CRYBA4: variants seen among roughly 807,000 people sequenced by gnomAD.
The protein encoded by CRYBA4 is beta-crystallin A4.
In CRYBA4, 30 loss-of-function variants were observed where a neutral mutation model predicts 31.7. The observed-to-expected ratio is 0.95, with a 90% CI of 0.71 to 1.28. CRYBA4 has a LOEUF of 1.28. Among genes scored for constraint, CRYBA4 ranks in the 50% most tolerant of loss-of-function variants. The pLI is 0.00. For missense variants in CRYBA4, 225 were observed against 260.7 expected (o/e 0.86, Z 0.94); for synonymous variants, 102 against 102.3 (o/e 1.00, Z 0.02).
chr22:26,628,478 G>A (rs200467437), intron 5 of CRYBA4, 48 bp downstream of exon 5: 2 of 1,608,876 alleles, frequency 1.2e-6, no homozygotes, highest in Non-Finnish European at 1.7e-6. Flanking sequence ...CTACTGGGAG[G>A]GGTAGGTGTA....
At chr22:26,616,188 C>G in the CRYBA4 span, 1 of 1,614,226 alleles carries the variant, frequency 6.2e-7, no homozygotes, top group Non-Finnish European at 8.5e-7. Flanking sequence ...TGGTAATAGG[C>G]ACGGTTGTTG....
intron 5 of CRYBA4, among the ~76,000 whole-genome samples, 156 bp downstream of exon 5, chr22:26,628,586 G>A (rs547531497): frequency 1.3e-5 from 2 of 152,230 alleles, no homozygotes; most frequent in South Asian, 4.1e-4. Flanking sequence ...CAGAATTTGA[G>A]GGACTGAAAC....
At chr22:26,619,825 C>T (rs865886440), upstream of CRYBA4, among the ~76,000 whole-genome samples, 1 of 152,246 alleles carries the variant, frequency 6.6e-6, no homozygotes, top group Non-Finnish European at 1.5e-5. Flanking sequence ...TCCGTGCCCC[C>T]CCTAAAGCCC....
upstream of CRYBA4, among the ~76,000 whole-genome samples, chr22:26,617,617 C>T (rs1190110416): frequency 6.6e-6 from 1 of 151,904 alleles, no homozygotes; most frequent in Non-Finnish European, 1.5e-5. Context: ...TGTTCCTCCT[C>T]TCTTCCCTGT....
chr22:26,619,905 T>C (rs1929478390), upstream of CRYBA4, among the ~76,000 whole-genome samples: 1 of 152,226 alleles, frequency 6.6e-6, no homozygotes, highest in Admixed American at 6.5e-5. Context: ...GTGGCTCCAC[T>C]CTGAGCATTT....
At chr22:26,622,681 G>T in intron 2 of CRYBA4, 46 bp downstream of exon 2, 1 of 1,353,864 alleles carries the variant, frequency 7.4e-7, no homozygotes, top group Non-Finnish European at 1.1e-6. Context: ...TATGGGGAGG[G>T]TTCAGGTCCC....
At chr22:26,622,472 C>A (rs1444685240) in intron 1 of CRYBA4, 113 bp from the exon 2 acceptor site, 1 of 871,542 alleles carries the variant, frequency 1.1e-6, no homozygotes, top group Admixed American at 1.8e-5. Flanking sequence ...GCCCCTAGCC[C>A]AGTCACTCCT....
chr22:26,630,454 C>G lies in CRYBA4; in HGVS notation c.558C>G (p.Phe186Leu), dbSNP rs1312943879. ...FREWGSHAPT[F>L]QVQSIRRIQQ Reference sequence around the variant, plus strand: ...AGTGGGGCTCTCATGCCCCGACCTTCCAGGTGCAGAGCATCCGCAGGATCC... The same window carrying G: ...AGTGGGGCTCTCATGCCCCGACCTTGCAGGTGCAGAGCATCCGCAGGATCC... The change falls in exon 6 of 6, where the codon TTC (phenylalanine) becomes TTG (leucine). Residue 186 changes from phenylalanine to leucine, a missense_variant. Coordinates refer to ENST00000354760, the MANE Select transcript of CRYBA4 (RefSeq NM_001886.3). The G allele has an allele frequency of 6.2e-7, 1 of 1,613,962 alleles. No homozygotes were observed. Among genetic ancestry groups the G allele is most frequent in the Non-Finnish European group, 8.5e-7 (1 of 1,179,926 alleles).
At chr22:26,600,294 C>G in the CRYBA4 span, among the ~76,000 whole-genome samples, 1 of 151,670 alleles carries the variant, frequency 6.6e-6, no homozygotes, top group Non-Finnish European at 1.5e-5. Flanking sequence ...CCCAGCTACT[C>G]GGGAGACTGA....
At chr22:26,626,120 G>A (rs1929696914) in intron 4 of CRYBA4, among the ~76,000 whole-genome samples, 1 of 152,162 alleles carries the variant, frequency 6.6e-6, no homozygotes, top group Non-Finnish European at 1.5e-5. Context: ...GTGTATTTTA[G>A]GCTGGGCATG....
the CRYBA4 span, chr22:26,612,143 G>C: frequency 6.2e-7 from 1 of 1,614,008 alleles, no homozygotes; most frequent in South Asian, 1.1e-5. Flanking sequence ...ACTCCCCCGA[G>C]AATTCTGCTC....
chr22:26,603,017 TG>T, the CRYBA4 span, among the ~76,000 whole-genome samples: 1 of 147,592 alleles, frequency 6.8e-6, no homozygotes, highest in African/African-American at 2.5e-5. Flanking sequence ...CCCAGCTACT[TG>T]GGAGGCTGAG....
At chr22:26,620,637 T>C (rs367693474), upstream of CRYBA4, among the ~76,000 whole-genome samples, 16 of 144,598 alleles carry the variant, frequency 1.1e-4, no homozygotes, top group East Asian at 1.2e-3. Flanking sequence ...TGATCTTGGC[T>C]CACTGAAACC....
chr22:26,607,904 G>A, the CRYBA4 span: 14 of 1,614,092 alleles, frequency 8.7e-6, no homozygotes, highest in South Asian at 1.2e-4. Context: ...TGATGGGCCG[G>A]AAGGACATGA....
At chr22:26,600,487 G>T in the CRYBA4 span, among the ~76,000 whole-genome samples, 1 of 152,136 alleles carries the variant, frequency 6.6e-6, no homozygotes, top group Non-Finnish European at 1.5e-5. Context: ...AAATATATGT[G>T]GGTTCAAATC....
At chr22:26,628,144 G>A (rs780796472) in intron 4 of CRYBA4, 144 bp from the exon 5 acceptor site, 11 of 1,035,950 alleles carry the variant, frequency 1.1e-5, no homozygotes, top group Admixed American at 2.0e-5. Context: ...AAGGTTTCTG[G>A]TACCTGTTGC....
At chr22:26,616,283 C>A in the CRYBA4 span, 1 of 1,614,000 alleles carries the variant, frequency 6.2e-7, no homozygotes, top group Admixed American at 1.7e-5. Flanking sequence ...TTCACCGCCA[C>A]TGTGGCCGAG....
Position 26,627,359 on chromosome 22 carries a change from C to CCCTCCCTTCTTT in CRYBA4, c.301-928_301-927insCTCCCTTCTTTC, listed in dbSNP as rs1404229613. 4.2e-3 allele frequency among the ~76,000 whole-genome samples: 175 copies of CCCTCCCTTCTTT among 41,862 alleles called. 14 individuals carry two copies. The highest frequency in any genetic ancestry group is 0.033 in the Middle Eastern group (3 of 90). The allele number at this position is 41,862 out of a possible 152,430, so 27.5% of individuals were successfully genotyped here. ...CCCCTCCCTCCCTCCCTCCCTCCCT[C>CCCTCCCTTCTTT]CTTTCTTTCTTTCTTTCTTTCTTTC... On this transcript the variant is annotated intron_variant, in intron 4 of 5. Transcript: ENST00000354760.
chr22:26,616,608 T>C, the CRYBA4 span, among the ~76,000 whole-genome samples: 1 of 152,216 alleles, frequency 6.6e-6, no homozygotes, highest in Non-Finnish European at 1.5e-5. Context: ...CCCCGCTAGG[T>C]CCTTCCTTAG....
Sources: allele counts gnomAD v4.1 joint callset (sites outside exome capture counted in the v4.1 genomes callset), GRCh38; gene constraint gnomAD v4.1.1; transcripts MANE v1.5; gene names NCBI Gene and HGNC (gene_info 2026-07-23, HGNC 2026-07-21).